The following PIEZO1 variants were observed in gnomAD, a reference collection of about 807,000 sequenced individuals.
The protein encoded by PIEZO1 is piezo-type mechanosensitive ion channel component 1.
A neutral mutation model predicts 297.2 loss-of-function variants in PIEZO1; 296 were observed. That is an observed-to-expected ratio of 1.00 (90% confidence interval 0.91 to 1.10). PIEZO1 has a LOEUF of 1.10. PIEZO1 is among the 50% of genes least tolerant of loss of function. The pLI is 0.00. For missense variants in PIEZO1, 5,018 were observed against 3,455.5 expected, an observed-to-expected ratio of 1.45 and a Z score of -11.34; for synonymous variants, 2,427 against 1,507.5, an observed-to-expected ratio of 1.61 and a Z score of -14.13.
intron 22 of PIEZO1, 99 bp from the exon 23 acceptor site, chr16:88,727,760 G>C (rs1433995841): frequency 1.8e-6 from 1 of 546,266 alleles, no homozygotes; most frequent in Non-Finnish European, 3.2e-6. Context: ...CAGCCCTCAG[G>C]GTCCATGGGA....
At chr16:88,744,610 G>T (rs951993716) in intron 2 of PIEZO1, among the ~76,000 whole-genome samples, 1 of 150,562 alleles carries the variant, frequency 6.6e-6, no homozygotes, top group Middle Eastern at 3.4e-3. Flanking sequence ...TCCGTCTCTG[G>T]CTACATCTCG....
intron 1 of PIEZO1, among the ~76,000 whole-genome samples, chr16:88,782,886 C>T (rs901921678): frequency 3.3e-5 from 5 of 152,242 alleles, no homozygotes; most frequent in Admixed American, 2.6e-4. Context: ...CCACTTCCAT[C>T]TCCCCCAGGT....
intron 20 of PIEZO1, 34 bp from the exon 21 acceptor site, chr16:88,732,569 A>G (rs1330387100): frequency 1.3e-6 from 2 of 1,542,860 alleles, no homozygotes; most frequent in South Asian, 1.2e-5. Context: ...GCAGCCGGGT[A>G]CTCGCCCGCC....
chr16:88,768,298 C>A (rs1015253649), intron 1 of PIEZO1, among the ~76,000 whole-genome samples: 2 of 152,192 alleles, frequency 1.3e-5, no homozygotes, highest in African/African-American at 2.4e-5. Flanking sequence ...ATAGCTGTTC[C>A]CACCACGGCA....
At chr16:88,752,603 G>A (rs963325806) in intron 1 of PIEZO1, among the ~76,000 whole-genome samples, 3 of 152,194 alleles carry the variant, frequency 2.0e-5, no homozygotes, top group Non-Finnish European at 4.4e-5. Context: ...GAGATGAGGC[G>A]GGTGCAGGGG....
intron 12 of PIEZO1, 61 bp from the exon 13 acceptor site, chr16:88,735,307 G>A: frequency 1.6e-6 from 2 of 1,219,264 alleles, no homozygotes; most frequent in South Asian, 1.3e-5. Context: ...CCACAGCCGG[G>A]GGACCCAGCA....
rs1273000287 is a variant in PIEZO1, at chr16:88,723,928, C to G, written c.4278G>C (p.Glu1426Asp). The G allele has an allele frequency of 1.9e-6, 3 of 1,549,826 alleles. No individual in the cohort carries two copies. The highest frequency in any genetic ancestry group is 2.7e-5 in the African/African-American group (2 of 73,072). Reference protein sequence around the residue: ...GDYFLFESDSEEEEEAVPEDP... With the variant: ...GDYFLFESDSDEEEEAVPEDP... ...CTTCAGGAACAGCCTCCTCCTCTTC[C>G]TCACTGTCGGACTCAAACAGGAAGT... Residue 1426 changes from glutamate (E) to aspartate (D), a missense_variant, in exon 31 of 51, where the codon GAG (glutamate) becomes GAC (aspartate). Physicochemically the swap from Glu to Asp is conservative, Grantham distance 45. Coordinates refer to ENST00000301015, the MANE Select transcript of PIEZO1 (RefSeq NM_001142864.4).
At chr16:88,731,957 G>GAGGAGGGGGTGTGGGGATGCACT in intron 21 of PIEZO1, 47 bp from the exon 22 acceptor site, 1 of 97,896 alleles carries the variant, frequency 1.0e-5, no homozygotes, top group Non-Finnish European at 1.9e-5. Flanking sequence ...GAGTCTGGGG[G>GAGGAGGGGGTGTGGGGATGCACT]GAGGGACTTT....
At chr16:88,749,654 G>A (rs971085220) in intron 1 of PIEZO1, among the ~76,000 whole-genome samples, 175 bp from the exon 2 acceptor site, 5 of 152,236 alleles carry the variant, frequency 3.3e-5, no homozygotes, top group Non-Finnish European at 5.9e-5. Context: ...TCTCACACAC[G>A]CCACGACACG....
rs552524989 is a variant in PIEZO1, at chr16:88,737,929, C to A, written c.1020+5G>T. 2.0e-6 allele frequency: 3 copies of A among 1,529,624 alleles called. No individual in the cohort carries two copies. Among genetic ancestry groups the A allele is most frequent in the Non-Finnish European group, 2.6e-6 (3 of 1,142,592 alleles). The allele number at this position is 1,529,624 out of a possible 1,614,324, so 94.8% of individuals were successfully genotyped here. On this transcript the variant is annotated splice_donor_5th_base_variant and intron_variant, in intron 8 of 50. Coordinates refer to ENST00000301015, the MANE Select transcript of PIEZO1 (RefSeq NM_001142864.4). Reference sequence around the variant, plus strand: ...GCCCACCCACCATGGGTGGCAGGTGCTCACCTGGCCGGAGGGGCGGTACGC... The same window carrying A: ...GCCCACCCACCATGGGTGGCAGGTGATCACCTGGCCGGAGGGGCGGTACGC...
intron 2 of PIEZO1, 121 bp from the exon 3 acceptor site, chr16:88,742,543 G>A (rs1038159299): frequency 7.2e-5 from 74 of 1,025,156 alleles, no homozygotes; most frequent in Non-Finnish European, 9.4e-5. Context: ...ATGCAAACCC[G>A]CCATGGACTC....
Position 88,720,183 on chromosome 16 carries a change from A to T in PIEZO1, c.6050T>A (p.Val2017Asp). Residue 2017 changes from valine to aspartate, a missense_variant, in exon 42 of 51, where the codon GTT becomes GAT. By Grantham distance (152) the Val-to-Asp change is radical. Transcript: ENST00000301015. ...CTTGCGCAGGTAGAGGGCGCGGTCA[A>T]CCACCATGGTACTGAACTGGATCAG... Reference protein sequence around the residue: ...MLLIQFSTMVVDRALYLRKTV... With the variant: ...MLLIQFSTMVDDRALYLRKTV... The T allele has an allele frequency of 6.4e-7, 1 of 1,550,514 alleles. No homozygotes were observed. The highest frequency in any genetic ancestry group is 1.2e-5 in the South Asian group (1 of 84,062).
intron 10 of PIEZO1, 40 bp downstream of exon 10, chr16:88,737,519 C>CA: frequency 1.4e-6 from 2 of 1,416,398 alleles, no homozygotes. Flanking sequence ...TCCGCCCCGC[C>CA]CCCCGCACCC....
intron 1 of PIEZO1, among the ~76,000 whole-genome samples, chr16:88,772,153 T>A (rs1273742274): frequency 1.3e-5 from 2 of 152,178 alleles, no homozygotes; most frequent in East Asian, 1.9e-4. Flanking sequence ...CAGGCCCTCC[T>A]GAGACTCTGG....
chr16:88,738,253 C>T lies in PIEZO1; in HGVS notation c.822G>A (p.Leu274=), dbSNP rs1252201847. The part of the protein sequence containing the change: ...YCYQMPLAQA[L]LPPAGIWARV... Reference sequence around the variant, plus strand: ...TAGCCCAGATGCCGGCAGGCGGGAGCAGAGCCTGTGCCAAGGGCATCTGGT... The same window carrying T: ...TAGCCCAGATGCCGGCAGGCGGGAGTAGAGCCTGTGCCAAGGGCATCTGGT... Residue 274 remains leucine, a synonymous_variant, in exon 7 of 51, where the codon CTG becomes CTA. Coordinates refer to ENST00000301015, the MANE Select transcript of PIEZO1 (RefSeq NM_001142864.4). 1.3e-6 allele frequency: 2 copies of T among 1,535,852 alleles called. No individual in the cohort carries two copies. Among genetic ancestry groups the T allele is most frequent in the Middle Eastern group, 1.7e-4 (1 of 5,988 alleles).
intron 39 of PIEZO1, 89 bp from the exon 40 acceptor site, chr16:88,720,837 CCT>C (rs1247645891): frequency 1.1e-5 from 15 of 1,357,982 alleles, no homozygotes; most frequent in Admixed American, 2.9e-5. Context: ...TGGCATTCTC[CCT>C]GTTTGACAGA....
intron 1 of PIEZO1, among the ~76,000 whole-genome samples, chr16:88,758,479 A>G (rs910904655): frequency 6.6e-6 from 1 of 152,188 alleles, no homozygotes; most frequent in African/African-American, 2.4e-5. Flanking sequence ...CGTGGCTCAT[A>G]GCAGCTCATG....
intron 1 of PIEZO1, among the ~76,000 whole-genome samples, chr16:88,777,965 C>T (rs931067128): frequency 6.6e-6 from 1 of 152,266 alleles, no homozygotes; most frequent in Non-Finnish European, 1.5e-5. Flanking sequence ...GCGTCTGTCC[C>T]TCCCGCATGG....
Position 88,721,560 on chromosome 16 carries a change from A to G in PIEZO1, c.5381T>C (p.Phe1794Ser). The change falls in exon 38 of 51, where the codon TTC (phenylalanine) becomes TCC (serine). Residue 1794 changes from phenylalanine (F) to serine (S), a missense_variant. Coordinates refer to ENST00000301015, the MANE Select transcript of PIEZO1 (RefSeq NM_001142864.4). The stretch of plus-strand genomic sequence containing the variant: ...CACCAGCAGCTGGGAGCGGTGGAAG[A>G]AAAGGGCCATGAGCTGCACCAGGTC... ...KYDLVQLMAL[F>S]FHRSQLLCYG... The G allele has an allele frequency of 6.5e-7, 1 of 1,549,604 alleles. No individual in the cohort carries two copies. Among genetic ancestry groups the G allele is most frequent in the Non-Finnish European group, 8.7e-7 (1 of 1,146,456 alleles).
Sources: allele counts gnomAD v4.1 joint callset (sites outside exome capture counted in the v4.1 genomes callset), GRCh38; gene constraint gnomAD v4.1.1; transcripts MANE v1.5; gene names NCBI Gene and HGNC (gene_info 2026-07-23, HGNC 2026-07-21).